SRGAP1: variants seen among roughly 807,000 people sequenced by gnomAD.
SRGAP1 encodes the protein SLIT-ROBO Rho GTPase activating protein 1, also known as SLIT-ROBO Rho GTPase-activating protein 1.
In SRGAP1, 43 loss-of-function variants were observed where a neutral mutation model predicts 121.9. That is an observed-to-expected ratio of 0.35 (90% CI 0.28 to 0.46). The LOEUF is 0.46. SRGAP1 is among the 20% of genes least tolerant of loss of function. SRGAP1 has a pLI of 1.00. For synonymous variants in SRGAP1, 447 were observed against 485.4 expected, an observed-to-expected ratio of 0.92 and a Z score of 1.04; for missense variants, 1,102 against 1,350.9, an observed-to-expected ratio of 0.82 and a Z score of 2.89.
chr12:64,086,892 T>C, intron 10 of SRGAP1, 107 bp from the exon 11 acceptor site: 1 of 774,870 alleles, frequency 1.3e-6, no homozygotes, highest in Non-Finnish European at 2.2e-6. Flanking sequence ...ACGTGTAAGT[T>C]ATTACAAACT....
intron 1 of SRGAP1, among the ~76,000 whole-genome samples, chr12:63,981,549 G>A (rs2033246425): frequency 6.6e-6 from 1 of 152,184 alleles, no homozygotes; most frequent in Non-Finnish European, 1.5e-5. Flanking sequence ...AGAGCTCTGC[G>A]TTTTTGAAAG....
rs1478873847 is a variant in SRGAP1 at position 64,145,921 on chromosome 12, T to G, written c.*3249T>G. ...GAGCTTTTTGATGGTGGGTAAATAA[T>G]GGCTCTACAAAGATTACCTGACTCC... is the stretch of plus-strand genomic sequence containing the variant. On this transcript the variant is annotated 3_prime_UTR_variant, in exon 22 of 22. Coordinates refer to ENST00000355086, the MANE Select transcript of SRGAP1 (RefSeq NM_020762.4). 3 of 152,186 alleles carry G rather than the reference T, an allele frequency of 2.0e-5. No homozygotes were observed. Among genetic ancestry groups the G allele is most frequent in the African/African-American group, 7.2e-5 (3 of 41,424 alleles). The allele number at this position is 152,186 out of a possible 1,614,324, so 9.4% of individuals were successfully genotyped here.
chr12:63,923,577 A>ATCTGCT, intron 1 of SRGAP1, among the ~76,000 whole-genome samples: 1 of 152,346 alleles, frequency 6.6e-6, no homozygotes, highest in South Asian at 2.1e-4. Flanking sequence ...AATCAAAATT[A>ATCTGCT]TCTGCTTCCG....
At chr12:64,066,292 G>A (rs2035539429) in intron 8 of SRGAP1, among the ~76,000 whole-genome samples, 1 of 152,138 alleles carries the variant, frequency 6.6e-6, no homozygotes. Flanking sequence ...TCTGAAGTAG[G>A]ACTGACTCTT....
At chr12:64,140,217 T>C (rs789740) in intron 21 of SRGAP1, among the ~76,000 whole-genome samples, 62,065 of 132,246 alleles carry the variant, frequency 0.47, 15,061 homozygotes, top group East Asian at 0.62. Flanking sequence ...ATTGACTTGG[T>C]GATGCGGGCT....
At chr12:63,990,205 T>C in intron 3 of SRGAP1, 133 bp downstream of exon 3, 1 of 718,174 alleles carries the variant, frequency 1.4e-6, no homozygotes, top group Non-Finnish European at 2.2e-6. Context: ...AGTTAAAAAT[T>C]AGATGAATGG....
intron 6 of SRGAP1, among the ~76,000 whole-genome samples, chr12:64,054,560 C>T (rs1484322334): frequency 6.6e-6 from 1 of 152,106 alleles, no homozygotes; most frequent in East Asian, 1.9e-4. Context: ...TAGACATGAA[C>T]TCCTATTAGG....
intron 1 of SRGAP1, among the ~76,000 whole-genome samples, chr12:63,875,867 A>G (rs1900013725): frequency 6.6e-6 from 1 of 152,240 alleles, no homozygotes. Context: ...AAGGAAACTC[A>G]GCTAGAATTA....
intron 3 of SRGAP1, among the ~76,000 whole-genome samples, chr12:63,998,432 A>G (rs896649313): frequency 2.0e-5 from 3 of 152,166 alleles, no homozygotes; most frequent in Non-Finnish European, 4.4e-5. Context: ...TTCACAGGTC[A>G]GCTAGGAGGA....
intron 18 of SRGAP1, among the ~76,000 whole-genome samples, chr12:64,119,050 TAA>T (rs770260512): frequency 5.3e-5 from 8 of 152,168 alleles, no homozygotes; most frequent in Non-Finnish European, 1.2e-4. Context: ...TTTTCACACA[TAA>T]GTCTTTATTC....
intron 1 of SRGAP1, among the ~76,000 whole-genome samples, chr12:63,873,889 A>C (rs1365621595): frequency 2.6e-5 from 4 of 151,256 alleles, no homozygotes; most frequent in African/African-American, 9.7e-5. Context: ...TTAGCCAGGC[A>C]TGGTGGTGTG....
intron 15 of SRGAP1, among the ~76,000 whole-genome samples, chr12:64,100,236 A>G (rs1196030149): frequency 6.6e-6 from 1 of 152,174 alleles, no homozygotes; most frequent in Non-Finnish European, 1.5e-5. Context: ...TCTGCTAAGT[A>G]TGTGTTTCTT....
chr12:64,083,063 G>A (rs997569144), intron 10 of SRGAP1, among the ~76,000 whole-genome samples: 1 of 152,156 alleles, frequency 6.6e-6, no homozygotes, highest in Non-Finnish European at 1.5e-5. Flanking sequence ...ACCATTATAA[G>A]CCTGCTGGCT....
intron 4 of SRGAP1, among the ~76,000 whole-genome samples, chr12:64,023,986 G>T (rs967757028): frequency 2.6e-5 from 4 of 152,106 alleles, no homozygotes; most frequent in African/African-American, 9.7e-5. Context: ...CAGAGGAGGT[G>T]GTAGGAGGAG....
At chr12:63,933,549 G>A (rs944014296) in intron 1 of SRGAP1, among the ~76,000 whole-genome samples, 16 of 152,088 alleles carry the variant, frequency 1.1e-4, no homozygotes, top group Non-Finnish European at 2.9e-5. Context: ...CAAAAAGCAG[G>A]TTAACCAGCA....
chr12:63,965,103 G>A (rs977649797), intron 1 of SRGAP1, among the ~76,000 whole-genome samples: 13 of 152,148 alleles, frequency 8.5e-5, no homozygotes, highest in Admixed American at 3.3e-4. Context: ...AGGAATGTTC[G>A]AATGTGTGCT....
rs570048884 is a variant in SRGAP1 at position 64,141,342 on chromosome 12, G to A, written c.2881-953G>A. ...CATGCCTGTAATCCCAGCACTTTGG[G>A]AGGCCAAGGCAGGCGGATCATGAGG... On this transcript the variant is annotated intron_variant, in intron 21 of 21. Transcript: ENST00000355086. Among the ~76,000 whole-genome samples, 223 of 151,732 alleles carry A rather than the reference G, an allele frequency of 1.5e-3. 1 individual carries two copies. The highest frequency in any genetic ancestry group is 5.2e-3 in the African/African-American group (216 of 41,360).
chr12:64,101,137 C>T (rs2036246778), intron 15 of SRGAP1, among the ~76,000 whole-genome samples: 1 of 152,136 alleles, frequency 6.6e-6, no homozygotes, highest in African/African-American at 2.4e-5. Context: ...TTACCCCTGT[C>T]ATCTTGTAGC....
chr12:63,988,346 A>G (rs2033470205), intron 2 of SRGAP1, among the ~76,000 whole-genome samples: 1 of 152,230 alleles, frequency 6.6e-6, no homozygotes, highest in Non-Finnish European at 1.5e-5. Flanking sequence ...GGCTGGGTAG[A>G]TAGGAACTCT....
Sources: allele counts gnomAD v4.1 joint callset (sites outside exome capture counted in the v4.1 genomes callset), GRCh38; gene constraint gnomAD v4.1.1; transcripts MANE v1.5; gene names NCBI Gene and HGNC (gene_info 2026-07-23, HGNC 2026-07-21).